The following UNC5C variants were observed in gnomAD, a reference collection of about 807,000 sequenced individuals.
UNC5C encodes the protein unc-5 netrin receptor C, also known as netrin receptor UNC5C.
In UNC5C, 47 loss-of-function variants were observed where a neutral mutation model predicts 99.8. That is an observed-to-expected ratio of 0.47 (90% CI 0.37 to 0.60). The LOEUF is 0.60. Ranked by LOEUF, UNC5C falls within the 20% of genes least tolerant of loss-of-function variation. The probability of loss-of-function intolerance (pLI) is 0.00; values close to 1 mark genes in which losing one functional copy is unlikely to be tolerated. For synonymous variants in UNC5C, 487 were observed against 452.2 expected, an observed-to-expected ratio of 1.08 and a Z score of -0.98; for missense variants, 1,062 against 1,165.9, an observed-to-expected ratio of 0.91 and a Z score of 1.30.
At chr4:95,396,010 A>G (rs929837456) in intron 1 of UNC5C, among the ~76,000 whole-genome samples, 2 of 152,210 alleles carry the variant, frequency 1.3e-5, no homozygotes, top group Non-Finnish European at 2.9e-5. Context: ...CTATGTTTCT[A>G]TGTATCAGCC....
chr4:95,308,227 T>TA (rs1742129491), intron 2 of UNC5C, among the ~76,000 whole-genome samples: 1 of 152,090 alleles, frequency 6.6e-6, no homozygotes, highest in African/African-American at 2.4e-5. Context: ...ACAAAACGGT[T>TA]AAAATTAATA....
Position 95,187,699 on chromosome 4 carries a change from A to G in UNC5C, c.2137-2503T>C, listed in dbSNP as rs79258482. On this transcript the variant is annotated intron_variant, in intron 12 of 15. Coordinates refer to ENST00000453304, the MANE Select transcript of UNC5C (RefSeq NM_003728.4). ...TCTCCCTAGTGGGGAAAAAGCCTAGACTGGCTTGGAGGAGCCCTTTTTTGG... is the reference window on the plus strand; with the variant it reads ...TCTCCCTAGTGGGGAAAAAGCCTAGGCTGGCTTGGAGGAGCCCTTTTTTGG... Among the ~76,000 whole-genome samples, 1,646 of 152,310 alleles carry G rather than the reference A, an allele frequency of 0.011. 73 individuals carry two copies. The East Asian group carries it at 0.15, about 14-fold the overall frequency.
intron 2 of UNC5C, among the ~76,000 whole-genome samples, chr4:95,327,467 A>G (rs780239179): frequency 3.6e-4 from 54 of 152,110 alleles, no homozygotes; most frequent in Non-Finnish European, 5.0e-4. Context: ...TGAGCTGTCA[A>G]CTGCTTGTTA....
intron 1 of UNC5C, among the ~76,000 whole-genome samples, chr4:95,490,199 A>T (rs995986930): frequency 6.6e-6 from 1 of 151,614 alleles, no homozygotes; most frequent in African/African-American, 2.4e-5. Flanking sequence ...CTTCCAGAAG[A>T]TGGAAGGGGT....
intron 1 of UNC5C, among the ~76,000 whole-genome samples, chr4:95,454,133 C>T (rs985027748): frequency 6.6e-6 from 1 of 151,972 alleles, no homozygotes; most frequent in Non-Finnish European, 1.5e-5. Flanking sequence ...CAATTTCACC[C>T]TTTAAAATGG....
intron 11 of UNC5C, among the ~76,000 whole-genome samples, chr4:95,206,150 G>A (rs533753832): frequency 6.6e-6 from 1 of 151,852 alleles, no homozygotes; most frequent in South Asian, 2.1e-4. Context: ...ATAGGCACAT[G>A]CCACTGCGCC....
intron 1 of UNC5C, among the ~76,000 whole-genome samples, chr4:95,423,229 T>C (rs962033741): frequency 1.4e-4 from 21 of 152,296 alleles, no homozygotes; most frequent in Non-Finnish European, 2.2e-4. Context: ...TCTCTGGGAA[T>C]TGGAGGACAT....
At chr4:95,393,299 A>G (rs1745413575) in intron 1 of UNC5C, among the ~76,000 whole-genome samples, 1 of 152,210 alleles carries the variant, frequency 6.6e-6, no homozygotes, top group Non-Finnish European at 1.5e-5. Context: ...CAAAGTGTTG[A>G]GTGAATGTAA....
At chr4:95,455,524 G>C (rs935748310) in intron 1 of UNC5C, among the ~76,000 whole-genome samples, 5 of 152,086 alleles carry the variant, frequency 3.3e-5, no homozygotes, top group South Asian at 2.1e-4. Flanking sequence ...CACTTGAGAG[G>C]TTAGGCTGGA....
chr4:95,378,885 A>G (rs1744980619), intron 1 of UNC5C, among the ~76,000 whole-genome samples: 2 of 152,170 alleles, frequency 1.3e-5, no homozygotes, highest in Admixed American at 6.5e-5. Flanking sequence ...AAAAAACACC[A>G]AGTCTTCTTT....
At chr4:95,330,750 A>G (rs1183070841) in intron 2 of UNC5C, among the ~76,000 whole-genome samples, 1 of 152,082 alleles carries the variant, frequency 6.6e-6, no homozygotes, top group Non-Finnish European at 1.5e-5. Flanking sequence ...GGCACTGGCT[A>G]GTAGATTAGA....
intron 1 of UNC5C, among the ~76,000 whole-genome samples, chr4:95,371,167 A>G (rs1301005311): frequency 6.6e-6 from 1 of 152,204 alleles, no homozygotes; most frequent in Non-Finnish European, 1.5e-5. Flanking sequence ...TTTCAGTAAC[A>G]CTTCAGTGAG....
intron 3 of UNC5C, among the ~76,000 whole-genome samples, chr4:95,291,880 T>G (rs940577832): frequency 1.3e-5 from 2 of 152,116 alleles, no homozygotes; most frequent in Non-Finnish European, 1.5e-5. Context: ...TTAATGGTTG[T>G]TATACAAGGT....
chr4:95,249,574 A>C (rs1739618992), intron 5 of UNC5C, among the ~76,000 whole-genome samples: 1 of 152,224 alleles, frequency 6.6e-6, no homozygotes, highest in Non-Finnish European at 1.5e-5. Flanking sequence ...CAAGGAGCTT[A>C]ACTTTAGCTG....
intron 2 of UNC5C, among the ~76,000 whole-genome samples, chr4:95,325,892 C>A (rs1439565862): frequency 6.6e-6 from 1 of 152,042 alleles, no homozygotes. Flanking sequence ...CTGAAGCAGC[C>A]CTTCTCTTCC....
chr4:95,269,775 C>T (rs1159878455), intron 4 of UNC5C, among the ~76,000 whole-genome samples: 1 of 151,764 alleles, frequency 6.6e-6, no homozygotes, highest in Non-Finnish European at 1.5e-5. Context: ...TACAATGGTG[C>T]AATCTCAGCT....
intron 1 of UNC5C, among the ~76,000 whole-genome samples, chr4:95,531,761 G>C (rs990607380): frequency 6.6e-6 from 1 of 152,074 alleles, no homozygotes; most frequent in Non-Finnish European, 1.5e-5. Flanking sequence ...GTTCCTATAG[G>C]CATCCTTTCC....
At chr4:95,195,892 A>G (rs1381957138) in intron 12 of UNC5C, among the ~76,000 whole-genome samples, 2 of 150,962 alleles carry the variant, frequency 1.3e-5, no homozygotes, top group African/African-American at 4.9e-5. Flanking sequence ...TCCATGCCCA[A>G]TGAGTCCATC....
intron 1 of UNC5C, among the ~76,000 whole-genome samples, chr4:95,336,513 T>A (rs1743343536): frequency 6.6e-6 from 1 of 151,942 alleles, no homozygotes; most frequent in Non-Finnish European, 1.5e-5. Flanking sequence ...AGCATGGTAT[T>A]GGTACTTAAA....
Sources: allele counts gnomAD v4.1 joint callset (sites outside exome capture counted in the v4.1 genomes callset), GRCh38; gene constraint gnomAD v4.1.1; transcripts MANE v1.5; gene names NCBI Gene and HGNC (gene_info 2026-07-23, HGNC 2026-07-21).